Variants in RBM47 observed in about 807,000 individuals in gnomAD.
The protein encoded by RBM47 is RNA-binding protein 47.
RBM47 carries 21 observed loss-of-function variants against 47.1 expected under a neutral mutation model. The ratio of observed to expected loss-of-function variants is 0.45; its 90% CI spans 0.32 to 0.64. RBM47 has a LOEUF of 0.64. RBM47 is among the 30% of genes least tolerant of loss of function. RBM47 has a pLI of 0.05. For missense variants in RBM47, 708 were observed against 870.9 expected (o/e 0.81, Z 2.35); for synonymous variants, 375 against 361.7 (o/e 1.04, Z -0.42).
chr4:40,465,213 C>T (rs1717829487), intron 3 of RBM47, among the ~76,000 whole-genome samples: 1 of 152,124 alleles, frequency 6.6e-6, no homozygotes. Flanking sequence ...GCAGCCCCTC[C>T]CTGACACACC....
chr4:40,576,004 A>C (rs1732262527), intron 1 of RBM47, among the ~76,000 whole-genome samples: 3 of 152,204 alleles, frequency 2.0e-5, no homozygotes, highest in Admixed American at 2.0e-4. Context: ...TTAATAGCTC[A>C]TCTGGTTCTG....
chr4:40,602,925 C>A (rs770859635), intron 1 of RBM47, among the ~76,000 whole-genome samples: 1 of 152,020 alleles, frequency 6.6e-6, no homozygotes, highest in Non-Finnish European at 1.5e-5. Context: ...GATGGTCCAC[C>A]ATGCCTGTAA....
rs531594724 is a variant in RBM47, at chr4:40,559,651, T to G, written c.-239-15145A>C. The stretch of plus-strand genomic sequence containing the variant: ...TGATTCAGCAAATATTTTTTGAGTT[T>G]CATGAAATATCCCCTCCACCATCCT... On this transcript the variant is annotated intron_variant, in intron 1 of 6. Coordinates refer to ENST00000295971, the MANE Select transcript of RBM47 (RefSeq NM_001098634.2). Among the ~76,000 whole-genome samples the G allele has an allele frequency of 3.9e-5, 6 of 152,106 alleles. 1 individual carries two copies. Among genetic ancestry groups the G allele is most frequent in the Non-Finnish European group, 8.8e-5 (6 of 68,012 alleles).
At chr4:40,471,817 C>G (rs920913651) in intron 2 of RBM47, among the ~76,000 whole-genome samples, 1 of 152,168 alleles carries the variant, frequency 6.6e-6, no homozygotes, top group Non-Finnish European at 1.5e-5. Flanking sequence ...AGAGGCTCCA[C>G]GTCCTCCTCC....
At chr4:40,434,605 G>A (rs1227298192) in intron 5 of RBM47, among the ~76,000 whole-genome samples, 1 of 101,992 alleles carries the variant, frequency 9.8e-6, no homozygotes, top group Non-Finnish European at 2.6e-5. Context: ...CAGAGCTGTG[G>A]GATCAGTTTT....
intron 1 of RBM47, among the ~76,000 whole-genome samples, chr4:40,624,550 T>C (rs951574391): frequency 6.6e-6 from 1 of 152,188 alleles, no homozygotes; most frequent in Non-Finnish European, 1.5e-5. Context: ...ATGTCTAAAA[T>C]AGTAAGATCA....
At chr4:40,629,326 CT>C (rs1738020761) in intron 1 of RBM47, 69 bp downstream of exon 1, 1 of 152,110 alleles carries the variant, frequency 6.6e-6, no homozygotes, top group African/African-American at 2.4e-5. Context: ...AAAATATACA[CT>C]TCAAAAATTG....
At chr4:40,625,269 T>C (rs1312375488) in intron 1 of RBM47, among the ~76,000 whole-genome samples, 1 of 152,166 alleles carries the variant, frequency 6.6e-6, no homozygotes, top group Non-Finnish European at 1.5e-5. Context: ...GAATAGGAAT[T>C]AAATTGATCT....
chr4:40,450,377 T>C (rs278955), intron 3 of RBM47, among the ~76,000 whole-genome samples: 9,210 of 151,954 alleles, frequency 0.061, 702 homozygotes, highest in African/African-American at 0.17. Flanking sequence ...CCTGATCACC[T>C]GAGTTGAGGA....
intron 3 of RBM47, among the ~76,000 whole-genome samples, chr4:40,445,912 G>C (rs1304200729): frequency 1.3e-5 from 2 of 152,160 alleles, no homozygotes; most frequent in Non-Finnish European, 2.9e-5. Context: ...AAAATATCTA[G>C]ATAAATAACA....
chr4:40,629,116 A>T (rs1254860947), intron 1 of RBM47, among the ~76,000 whole-genome samples: 1 of 152,180 alleles, frequency 6.6e-6, no homozygotes, highest in Non-Finnish European at 1.5e-5. Flanking sequence ...AGTGAAAAAA[A>T]AAAATCAGTT....
rs201408070 is a variant in RBM47, at chr4:40,486,069, CAAAAAAAAAAAAAAA to C, written c.-154-19385_-154-19371del. Among the ~76,000 whole-genome samples the C allele has an allele frequency of 4.8e-4, 30 of 62,832 alleles. 1 individual carries two copies. The highest frequency in any genetic ancestry group is 8.8e-4 in the East Asian group (2 of 2,282). 41.2% of individuals were successfully genotyped at this position (62,832 alleles called of 152,430 possible). A position where few individuals can be genotyped will look rare whatever the true frequency, so the allele number is the denominator to read the frequency against. On this transcript the variant is annotated intron_variant, in intron 2 of 6. Coordinates refer to ENST00000295971, the MANE Select transcript of RBM47 (RefSeq NM_001098634.2). ...TGGACAACAGAGCAAAACCCTGTTT[CAAAAAAAAAAAAAAA>C]AAAAAAAAAAAAAGAGCTTAGTGTG...
chr4:40,443,419 T>TA (rs1262428943), intron 3 of RBM47, among the ~76,000 whole-genome samples: 1 of 151,944 alleles, frequency 6.6e-6, no homozygotes, highest in African/African-American at 2.4e-5. Flanking sequence ...TAGAGGCCAT[T>TA]AAAAAATGAT....
chr4:40,557,799 A>G (rs1730244806), intron 1 of RBM47, among the ~76,000 whole-genome samples: 1 of 152,200 alleles, frequency 6.6e-6, no homozygotes, highest in African/African-American at 2.4e-5. Flanking sequence ...GAATTTTACA[A>G]TAAAAAATCA....
rs140062927 is a variant in RBM47 at position 40,509,286 on chromosome 4, G to A, written c.-155+35136C>T. Among the ~76,000 whole-genome samples the A allele has an allele frequency of 4.7e-4, 71 of 152,096 alleles. 4 individuals carry two copies. The highest frequency in any genetic ancestry group is 1.6e-3 in the African/African-American group (67 of 41,500). Reference sequence around the variant, plus strand: ...TGCTTCATAATTGTAGACATCACTTGTATAGGATATTTTCCAAATAACTGA... The same window carrying A: ...TGCTTCATAATTGTAGACATCACTTATATAGGATATTTTCCAAATAACTGA... On this transcript the variant is annotated intron_variant, in intron 2 of 6. Coordinates refer to ENST00000295971, the MANE Select transcript of RBM47 (RefSeq NM_001098634.2).
intron 2 of RBM47, among the ~76,000 whole-genome samples, chr4:40,518,220 G>C (rs1044299638): frequency 7.6e-6 from 1 of 131,492 alleles, no homozygotes; most frequent in Non-Finnish European, 1.5e-5. Context: ...CCATGTTGGA[G>C]TGCAGTGGTG....
chr4:40,556,200 T>A (rs963267545), intron 1 of RBM47, among the ~76,000 whole-genome samples: 1 of 151,888 alleles, frequency 6.6e-6, no homozygotes, highest in Admixed American at 6.6e-5. Flanking sequence ...CGCGTCTGGC[T>A]TATTTTTGTA....
At chr4:40,618,805 T>A (rs1408817474) in intron 1 of RBM47, among the ~76,000 whole-genome samples, 1 of 75,064 alleles carries the variant, frequency 1.3e-5, no homozygotes, top group Non-Finnish European at 2.3e-5. Context: ...CGAGACTCCA[T>A]CTCAAAAAAA....
intron 3 of RBM47, among the ~76,000 whole-genome samples, chr4:40,441,552 A>G (rs1318838190): frequency 6.6e-6 from 1 of 152,206 alleles, no homozygotes; most frequent in East Asian, 1.9e-4. Flanking sequence ...AGGAAATGCC[A>G]GGTACATATA....
Sources: gnomAD v4.1 joint callset for allele counts (sites outside exome capture counted in the v4.1 genomes callset) on GRCh38, gnomAD v4.1.1 for gene constraint, MANE v1.5 for transcripts, NCBI Gene and HGNC (gene_info 2026-07-23, HGNC 2026-07-21) for gene names.